Variants in ITPR1 observed in about 807,000 individuals in gnomAD.
ITPR1 encodes the protein inositol 1,4,5-trisphosphate receptor type 1, also known as inositol 1,4,5-trisphosphate-gated calcium channel ITPR1.
ITPR1 carries 96 observed loss-of-function variants against 318.4 expected under a neutral mutation model. That is an observed-to-expected ratio of 0.30 (90% confidence interval 0.26 to 0.36). The LOEUF is 0.36. ITPR1 is among the 10% of genes least tolerant of loss of function. The pLI is 1.00. For synonymous variants in ITPR1, 1,312 were observed against 1,289.9 expected (o/e 1.02, Z -0.37); for missense variants, 2,440 against 3,460.2 (o/e 0.71, Z 7.40).
At chr3:4,725,466 G>A in intron 40 of ITPR1, 80 bp from the exon 41 acceptor site, 1 of 1,166,414 alleles carries the variant, frequency 8.6e-7, no homozygotes, top group Non-Finnish European at 1.3e-6. Flanking sequence ...TTTTGTCCTT[G>A]AGTGTTGGTC....
chr3:4,644,117 T>A lies in ITPR1; in HGVS notation c.526-19T>A. 1 of 1,560,554 alleles carries A rather than the reference T, an allele frequency of 6.4e-7. No homozygotes were observed. Among genetic ancestry groups the A allele is most frequent in the Non-Finnish European group, 8.8e-7 (1 of 1,136,172 alleles). On this transcript the variant is annotated intron_variant, in intron 7 of 61. Transcript: ENST00000649015. ...CTTATCAGTTTTGTGCAAAGCTCTA[T>A]TGCTCCTTTCCATTCCAGGTGGTCA...
chr3:4,605,677 G>A (rs2091653309), intron 4 of ITPR1, among the ~76,000 whole-genome samples: 1 of 152,188 alleles, frequency 6.6e-6, no homozygotes, highest in South Asian at 2.1e-4. Flanking sequence ...TCGGTATAGA[G>A]TGGTCCATGT....
At chr3:4,566,718 C>A (rs1273744640) in intron 4 of ITPR1, among the ~76,000 whole-genome samples, 1 of 152,118 alleles carries the variant, frequency 6.6e-6, no homozygotes, top group Non-Finnish European at 1.5e-5. Flanking sequence ...CTTTCCTCCA[C>A]CTTCCCTTCA....
intron 14 of ITPR1, 151 bp from the exon 15 acceptor site, chr3:4,661,931 C>T (rs373703186): frequency 1.9e-4 from 107 of 574,872 alleles, no homozygotes; most frequent in Non-Finnish European, 2.0e-4. Flanking sequence ...ATTTGGAGTA[C>T]GTCCTTGTAG....
At chr3:4,844,287 A>G (rs540313977) in intron 61 of ITPR1, among the ~76,000 whole-genome samples, 1 of 152,122 alleles carries the variant, frequency 6.6e-6, no homozygotes, top group Non-Finnish European at 1.5e-5. Context: ...ATGCCTAGCT[A>G]ATTTTTTTTC....
At chr3:4,544,894 A>G (rs1182324728) in intron 4 of ITPR1, among the ~76,000 whole-genome samples, 1 of 152,172 alleles carries the variant, frequency 6.6e-6, no homozygotes, top group African/African-American at 2.4e-5. Flanking sequence ...TCTTAGGCTT[A>G]AGCAATCCTT....
chr3:4,612,800 T>C (rs1425267067), intron 4 of ITPR1, among the ~76,000 whole-genome samples: 2 of 152,064 alleles, frequency 1.3e-5, no homozygotes. Flanking sequence ...GACAGGAGAA[T>C]TGCTTGAACC....
chr3:4,618,364 T>A (rs1254033659), intron 4 of ITPR1, among the ~76,000 whole-genome samples: 1 of 152,236 alleles, frequency 6.6e-6, no homozygotes, highest in East Asian at 1.9e-4. Context: ...TCTCTTGATG[T>A]CTGTAGATGA....
chr3:4,533,987 C>T (rs558112938), intron 4 of ITPR1, among the ~76,000 whole-genome samples: 1 of 152,182 alleles, frequency 6.6e-6, no homozygotes, highest in Non-Finnish European at 1.5e-5. Flanking sequence ...CAAAAGCTGC[C>T]CTTCCCTGCC....
rs372409156 is a variant in ITPR1, at chr3:4,706,489, TTATATATG to T, written c.4842+141_4842+148del. ...GGTGTGCTGAACGAATAGTCAAATG[TTATATATG>T]TAGGGCCAGGAGTGGGAAGTTACTT... On this transcript the variant is annotated intron_variant, in intron 37 of 61. Coordinates refer to ENST00000649015, the MANE Select transcript of ITPR1 (RefSeq NM_001378452.1). 26 of 712,422 alleles carry T rather than the reference TTATATATG, an allele frequency of 3.6e-5. 1 individual carries two copies. Among genetic ancestry groups the T allele is most frequent in the African/African-American group, 2.8e-4 (16 of 56,148 alleles). 44.1% of individuals were successfully genotyped at this position (712,422 alleles called of 1,614,324 possible).
intron 39 of ITPR1, among the ~76,000 whole-genome samples, chr3:4,716,466 A>G (rs935618026): frequency 6.6e-6 from 1 of 152,230 alleles, no homozygotes; most frequent in Non-Finnish European, 1.5e-5. Context: ...GAATGTATTT[A>G]AAATCCATTT....
At position 4,529,683 on chromosome 3, in the gene ITPR1, G is replaced by C. The variant is rs989091440; in HGVS notation, c.163+8589G>C. Among the ~76,000 whole-genome samples, 3 of 152,168 alleles carry C rather than the reference G, an allele frequency of 2.0e-5. No individual in the cohort carries two copies. In the East Asian group the frequency reaches 5.8e-4, roughly 29 times the overall value. Reference sequence around the variant, plus strand: ...CACTGTCTTTTAGGCTTCTGTGTTTGAGCCATGAATTAAAAATTTTTTTTG... The same window carrying C: ...CACTGTCTTTTAGGCTTCTGTGTTTCAGCCATGAATTAAAAATTTTTTTTG... On this transcript the variant is annotated intron_variant, in intron 4 of 61. Coordinates refer to ENST00000649015, the MANE Select transcript of ITPR1 (RefSeq NM_001378452.1).
rs1215525504 is a variant in ITPR1 at position 4,689,381 on chromosome 3, A to T, written c.3828+761A>T. ...AAGGATTGCTGGATTGTAGGATAAT[A>T]TAGGTTGAGCATCCCAGATCTGAAA... On this transcript the variant is annotated intron_variant, in intron 31 of 61. Transcript: ENST00000649015. 5.3e-5 allele frequency among the ~76,000 whole-genome samples: 8 copies of T among 152,360 alleles called. No homozygotes were observed. In the East Asian group the frequency reaches 7.7e-4, roughly 15 times the overall value.
intron 44 of ITPR1, chr3:4,750,865 G>T (rs2044453608): frequency 6.6e-6 from 1 of 152,410 alleles, no homozygotes; most frequent in South Asian, 2.1e-4. Flanking sequence ...CCATTGTGTA[G>T]CCCCGGGACA....
chr3:4,734,536 A>G (rs138452992), intron 43 of ITPR1, among the ~76,000 whole-genome samples: 44 of 152,378 alleles, frequency 2.9e-4, no homozygotes, highest in Admixed American at 1.4e-3. Flanking sequence ...TATTGCCAAT[A>G]GTAATACAAG....
chr3:4,819,554 T>C (rs2049542076), intron 60 of ITPR1, among the ~76,000 whole-genome samples: 1 of 152,206 alleles, frequency 6.6e-6, no homozygotes, highest in African/African-American at 2.4e-5. Flanking sequence ...TTAAGATTAC[T>C]CTCAGAGGGG....
chr3:4,499,082 G>A (rs2080825602), intron 2 of ITPR1, among the ~76,000 whole-genome samples: 1 of 152,044 alleles, frequency 6.6e-6, no homozygotes, highest in Non-Finnish European at 1.5e-5. Flanking sequence ...TGAGCCCGGG[G>A]GTTTGAGGCT....
At chr3:4,563,247 C>T (rs2086864998) in intron 4 of ITPR1, among the ~76,000 whole-genome samples, 1 of 152,162 alleles carries the variant, frequency 6.6e-6, no homozygotes, top group Non-Finnish European at 1.5e-5. Flanking sequence ...GGGTGTCACA[C>T]CTGTAATCCC....
intron 44 of ITPR1, among the ~76,000 whole-genome samples, chr3:4,760,087 C>G (rs901514344): frequency 2.0e-5 from 3 of 152,262 alleles, no homozygotes; most frequent in African/African-American, 7.2e-5. Flanking sequence ...GGCTGGTTGT[C>G]TGTGTCGGTT....
Sources: gnomAD v4.1 joint callset for allele counts (sites outside exome capture counted in the v4.1 genomes callset) on GRCh38, gnomAD v4.1.1 for gene constraint, MANE v1.5 for transcripts, NCBI Gene and HGNC (gene_info 2026-07-23, HGNC 2026-07-21) for gene names.